The following TBCK variants were observed in gnomAD, a reference collection of about 807,000 sequenced individuals.
TBCK encodes TBC1 domain containing kinase, also known as TBC domain-containing protein kinase-like protein.
TBCK carries 99 observed loss-of-function variants against 113.4 expected under a neutral mutation model. That is an observed-to-expected ratio of 0.87 (90% confidence interval 0.74 to 1.03). The LOEUF (loss-of-function observed/expected upper bound fraction) is 1.03, where lower values mean the gene tolerates loss of function less well. Among genes scored for constraint, TBCK ranks in the 50% least tolerant of loss-of-function variants. The probability of loss-of-function intolerance (pLI) is 0.00; values close to 1 mark genes in which losing one functional copy is unlikely to be tolerated. For synonymous variants in TBCK, 369 were observed against 370.8 expected, an observed-to-expected ratio of 1.00 and a Z score of 0.05; for missense variants, 1,045 against 1,061.3, an observed-to-expected ratio of 0.98 and a Z score of 0.21.
chr4:106,262,258 A>C, intron 3 of TBCK, 46 bp from the exon 4 acceptor site: 1 of 1,133,828 alleles, frequency 8.8e-7, no homozygotes, highest in South Asian at 1.4e-5. Context: ...AAGCAAATAA[A>C]TAACTTGTTT....
In TBCK at chr4:106,042,383, G is replaced by T. The variant is rs1303973440; in HGVS notation, c.*4187C>A. ...GATTTTTTTTTTTCTTTTTTGAGAC[G>T]GAGTCTCACTCTGTCTCCCAGGCTG... On this transcript the variant is annotated 3_prime_UTR_variant, in exon 26 of 26. Transcript: ENST00000394708. 3 of 151,032 alleles carry T rather than the reference G, an allele frequency of 2.0e-5. No homozygotes were observed. The highest frequency in any genetic ancestry group is 7.3e-5 in the African/African-American group (3 of 41,058). 9.4% of individuals were successfully genotyped at this position (151,032 alleles called of 1,614,324 possible). A position where few individuals can be genotyped will look rare whatever the true frequency, so the allele number is the denominator to read the frequency against.
intron 3 of TBCK, among the ~76,000 whole-genome samples, chr4:106,294,505 G>A (rs1440251092): frequency 6.8e-6 from 1 of 147,126 alleles, no homozygotes; most frequent in African/African-American, 2.5e-5. Context: ...TTTTTGACAT[G>A]GAGTCTCGCT....
intron 18 of TBCK, 60 bp from the exon 19 acceptor site, chr4:106,230,506 G>C: frequency 1.1e-6 from 1 of 950,310 alleles, no homozygotes; most frequent in Non-Finnish European, 1.6e-6. Context: ...ATGACCATCA[G>C]TAATGCATTC....
chr4:106,312,509 T>G (rs1322607033), intron 1 of TBCK, among the ~76,000 whole-genome samples: 2 of 152,168 alleles, frequency 1.3e-5, no homozygotes, highest in Admixed American at 6.5e-5. Context: ...AGTGGGAGCG[T>G]AAAATGGCAA....
At chr4:106,155,560 C>G (rs542516281) in intron 23 of TBCK, among the ~76,000 whole-genome samples, 1 of 152,174 alleles carries the variant, frequency 6.6e-6, no homozygotes, top group South Asian at 2.1e-4. Context: ...TATAGGTATG[C>G]TTCATTGTTT....
intron 23 of TBCK, among the ~76,000 whole-genome samples, chr4:106,131,575 T>G (rs1337396723): frequency 6.6e-6 from 1 of 152,174 alleles, no homozygotes; most frequent in African/African-American, 2.4e-5. Flanking sequence ...ATCGCATCAC[T>G]GCACTCCAGC....
chr4:106,053,493 C>T (rs1672107944), intron 25 of TBCK, among the ~76,000 whole-genome samples: 1 of 151,614 alleles, frequency 6.6e-6, no homozygotes, highest in Non-Finnish European at 1.5e-5. Flanking sequence ...CTAGCTGTGC[C>T]TTCTCATCTC....
intron 25 of TBCK, among the ~76,000 whole-genome samples, chr4:106,048,980 T>C (rs1734507458): frequency 6.6e-6 from 1 of 152,112 alleles, no homozygotes; most frequent in South Asian, 2.1e-4. Context: ...TTAGATGCCT[T>C]GAAAAGAAGC....
chr4:106,167,185 T>A (rs1446068470), intron 23 of TBCK, among the ~76,000 whole-genome samples: 1 of 147,152 alleles, frequency 6.8e-6, no homozygotes, highest in Non-Finnish European at 1.5e-5. Flanking sequence ...GAACTGTATA[T>A]ATATATATAG....
chr4:106,154,478 C>G (rs1748891507), intron 23 of TBCK, among the ~76,000 whole-genome samples: 1 of 152,120 alleles, frequency 6.6e-6, no homozygotes, highest in African/African-American at 2.4e-5. Flanking sequence ...ACCCAAATCT[C>G]ATGTCAAATT....
chr4:106,046,658 A>G lies in TBCK; in HGVS notation c.2594T>C (p.Met865Thr), dbSNP rs1374537253. 4 of 1,611,230 alleles carry G rather than the reference A, an allele frequency of 2.5e-6. No individual in the cohort carries two copies. The highest frequency in any genetic ancestry group is 2.7e-5 in the African/African-American group (2 of 74,836). The change falls in exon 26 of 26, where the codon ATG becomes ACG. Residue 865 changes from methionine (M) to threonine (T), a missense_variant. Coordinates refer to ENST00000394708, the MANE Select transcript of TBCK (RefSeq NM_001163435.3). ...TAGAATACAGATTCTTGGATATTTC[A>G]TCTTCACAAGGTGAGCTGCAAACTG... The part of the protein sequence containing the change: ...TAEFAAHLVK[M>T]KYPRICILDG...
intron 23 of TBCK, among the ~76,000 whole-genome samples, chr4:106,152,287 T>C (rs1748588672): frequency 6.6e-6 from 1 of 152,046 alleles, no homozygotes; most frequent in African/African-American, 2.4e-5. Context: ...GGTTTTTTAA[T>C]CATAAAAAGA....
chr4:106,110,792 A>G (rs1742757343), intron 24 of TBCK, among the ~76,000 whole-genome samples: 1 of 152,108 alleles, frequency 6.6e-6, no homozygotes, highest in South Asian at 2.1e-4. Context: ...TACTGCCTCC[A>G]TCTCCCTCAG....
intron 22 of TBCK, among the ~76,000 whole-genome samples, chr4:106,183,364 C>A (rs1490395484): frequency 6.6e-6 from 1 of 151,998 alleles, no homozygotes; most frequent in East Asian, 1.9e-4. Flanking sequence ...TTTATCACTA[C>A]CACCAGTACC....
Position 106,212,765 on chromosome 4 carries a change from A to G in TBCK, c.1845T>C (p.Ile615=). 2.5e-6 allele frequency: 4 copies of G among 1,610,072 alleles called. No homozygotes were observed. The highest frequency in any genetic ancestry group is 3.4e-6 in the Non-Finnish European group (4 of 1,177,388). ...DPELSNHLNE[I]GFIPDLYAIP... ...AAGTACTTACATCTGGAATGAAACC[A>G]ATCTCATTGAGATGATTACTCAGCT... Residue 615 remains isoleucine, a synonymous_variant, in exon 20 of 26, where the codon ATT becomes ATC. Transcript: ENST00000394708.
intron 3 of TBCK, among the ~76,000 whole-genome samples, chr4:106,271,490 A>G (rs903081804): frequency 6.6e-6 from 1 of 152,026 alleles, no homozygotes; most frequent in Non-Finnish European, 1.5e-5. Flanking sequence ...GGTGGCTCAC[A>G]CCTGTAATCC....
At chr4:106,187,737 T>C (rs903854199) in intron 22 of TBCK, among the ~76,000 whole-genome samples, 3 of 152,146 alleles carry the variant, frequency 2.0e-5, no homozygotes, top group Admixed American at 2.0e-4. Context: ...TTAAGCAGTG[T>C]TTTGTAGTTA....
At chr4:106,188,184 G>T (rs890625736) in intron 22 of TBCK, among the ~76,000 whole-genome samples, 1 of 152,022 alleles carries the variant, frequency 6.6e-6, no homozygotes, top group African/African-American at 2.4e-5. Flanking sequence ...GCTGGCTGTT[G>T]GTTTCTCACA....
At chr4:106,056,394 C>T (rs777580317) in intron 25 of TBCK, among the ~76,000 whole-genome samples, 1 of 150,968 alleles carries the variant, frequency 6.6e-6, no homozygotes, top group Non-Finnish European at 1.5e-5. Context: ...TGTGAGCCAC[C>T]ACACCCAGCC....
Sources: gnomAD v4.1 joint callset for allele counts (sites outside exome capture counted in the v4.1 genomes callset) on GRCh38, gnomAD v4.1.1 for gene constraint, MANE v1.5 for transcripts, NCBI Gene and HGNC (gene_info 2026-07-23, HGNC 2026-07-21) for gene names.